PLCB1: variants seen among roughly 807,000 people sequenced by gnomAD.
PLCB1 encodes phospholipase C beta 1.
In PLCB1, 46 loss-of-function variants were observed where a neutral mutation model predicts 161.8. The ratio of observed to expected loss-of-function variants is 0.28; its 90% confidence interval spans 0.22 to 0.36. The LOEUF is 0.36. PLCB1 is among the 10% of genes least tolerant of loss of function. The pLI is 1.00. For synonymous variants in PLCB1, 517 were observed against 503.7 expected (o/e 1.03, Z -0.35); for missense variants, 1,016 against 1,472.5 (o/e 0.69, Z 5.07).
rs540607161 is a variant in PLCB1 at position 8,217,149 on chromosome 20, TCTC to T, written c.177+66781_177+66783del. On this transcript the variant is annotated intron_variant, in intron 2 of 31. Transcript: ENST00000338037. The stretch of plus-strand genomic sequence containing the variant: ...TTTCCCCAGTTATTCCTTATTCACA[TCTC>T]CTTTGTAAAAGCATCTGAAACCTTC... 3.2e-3 allele frequency among the ~76,000 whole-genome samples: 494 copies of T among 152,208 alleles called. 4 individuals carry two copies. The highest frequency in any genetic ancestry group is 0.011 in the African/African-American group (447 of 41,560).
intron 23 of PLCB1, among the ~76,000 whole-genome samples, chr20:8,750,300 A>C (rs1981388830): frequency 1.3e-5 from 2 of 152,214 alleles, no homozygotes; most frequent in African/African-American, 4.8e-5. Flanking sequence ...GAAGAAGCTC[A>C]AAAAACTGAA....
At chr20:8,564,240 AT>A in intron 3 of PLCB1, among the ~76,000 whole-genome samples, 1 of 152,204 alleles carries the variant, frequency 6.6e-6, no homozygotes, top group East Asian at 1.9e-4. Flanking sequence ...TAGGGAAAGG[AT>A]TCCCTAGTTA....
chr20:8,340,453 C>T (rs1340316360), intron 2 of PLCB1, among the ~76,000 whole-genome samples: 6 of 152,230 alleles, frequency 3.9e-5, no homozygotes, highest in East Asian at 1.9e-4. Context: ...GACGGAGTCT[C>T]GCTCTGTCGC....
At position 8,532,460 on chromosome 20, in the gene PLCB1, C is replaced by T. The variant is rs114460896; in HGVS notation, c.247-95834C>T. 5.5e-3 allele frequency among the ~76,000 whole-genome samples: 832 copies of T among 152,244 alleles called. 8 individuals are homozygous for T. Among genetic ancestry groups the T allele is most frequent in the African/African-American group, 0.018 (733 of 41,544 alleles). ...CTTCCCAGGGAGTTGCAAGAGAGGT[C>T]CTCATGTTCCTGTCTTCACTTTCCA... On this transcript the variant is annotated intron_variant, in intron 3 of 31. Transcript: ENST00000338037.
intron 2 of PLCB1, among the ~76,000 whole-genome samples, chr20:8,299,686 G>A (rs1983806818): frequency 6.6e-6 from 1 of 152,036 alleles, no homozygotes; most frequent in South Asian, 2.1e-4. Flanking sequence ...TTCCTTTTTA[G>A]TAAATTCGTT....
At position 8,820,106 on chromosome 20, in the gene PLCB1, GT is replaced by G. The variant is rs1192793938; in HGVS notation, c.3423+29856del. On this transcript the variant is annotated intron_variant, in intron 31 of 31. Coordinates refer to ENST00000338037, the MANE Select transcript of PLCB1 (RefSeq NM_015192.4). ...ATAATTTGTATTATGTTTTATTTAT[GT>G]TTTTTTTTTTCAAAATTTTTTGAGT... Among the ~76,000 whole-genome samples the G allele has an allele frequency of 3.1e-3, 439 of 140,168 alleles. 2 individuals are homozygous for G. The highest frequency in any genetic ancestry group is 9.3e-3 in the African/African-American group (363 of 38,858). The allele number at this position is 140,168 out of a possible 152,430, so 92.0% of individuals were successfully genotyped here. A position where few individuals can be genotyped will look rare whatever the true frequency, so the allele number is the denominator to read the frequency against.
intron 2 of PLCB1, among the ~76,000 whole-genome samples, chr20:8,196,385 T>G (rs1288769606): frequency 1.3e-5 from 2 of 152,126 alleles, no homozygotes; most frequent in African/African-American, 2.4e-5. Context: ...AGCTGCATAT[T>G]CTCCATTTTG....
At chr20:8,429,175 G>A (rs566449571) in intron 3 of PLCB1, among the ~76,000 whole-genome samples, 5 of 152,254 alleles carry the variant, frequency 3.3e-5, no homozygotes, top group South Asian at 4.1e-4. Context: ...TGCCAGTCTC[G>A]AGCATTTTAG....
At position 8,450,422 on chromosome 20, in the gene PLCB1, G is replaced by A. The variant is rs138141078; in HGVS notation, c.246+78972G>A. On this transcript the variant is annotated intron_variant, in intron 3 of 31. Coordinates refer to ENST00000338037, the MANE Select transcript of PLCB1 (RefSeq NM_015192.4). Reference sequence around the variant, plus strand: ...AGTCTCTGAAATTAGTGAATAGGTAGAGACATCCATCAGTTGGATCATTCT... The same window carrying A: ...AGTCTCTGAAATTAGTGAATAGGTAAAGACATCCATCAGTTGGATCATTCT... Among the ~76,000 whole-genome samples the A allele has an allele frequency of 5.3e-4, 80 of 151,980 alleles. No individual in the cohort carries two copies. The East Asian group carries it at 0.012, about 22-fold the overall frequency.
intron 3 of PLCB1, among the ~76,000 whole-genome samples, chr20:8,492,879 T>G (rs967115277): frequency 2.0e-5 from 3 of 152,006 alleles, no homozygotes; most frequent in Non-Finnish European, 2.9e-5. Context: ...TGTGTGCATT[T>G]TTAATGTATG....
At chr20:8,750,790 T>C (rs2123546482) in intron 23 of PLCB1, 1 of 1,309,744 alleles carries the variant, frequency 7.6e-7, no homozygotes, top group African/African-American at 1.5e-5. Context: ...TCTGACAATA[T>C]TTGTCCTGAG....
chr20:8,516,039 C>T (rs1399927056), intron 3 of PLCB1, among the ~76,000 whole-genome samples: 1 of 152,192 alleles, frequency 6.6e-6, no homozygotes, highest in South Asian at 2.1e-4. Context: ...GGGAACTTCC[C>T]ATTGTAAAAC....
At chr20:8,133,565 G>A (rs1402280576) in intron 1 of PLCB1, among the ~76,000 whole-genome samples, 1 of 152,156 alleles carries the variant, frequency 6.6e-6, no homozygotes, top group Non-Finnish European at 1.5e-5. Flanking sequence ...TTTACGAGCG[G>A]CCCAGACCCC....
chr20:8,637,172 G>A (rs6039214), intron 4 of PLCB1, among the ~76,000 whole-genome samples: 34,700 of 152,026 alleles, frequency 0.23, 4,296 homozygotes, highest in Admixed American at 0.32. Context: ...GAGAAAGGCA[G>A]GTTGATCTGT....
rs1201315952 is a variant in PLCB1, at chr20:8,644,319, T to C, written c.385-1783T>C. On this transcript the variant is annotated intron_variant, in intron 4 of 31. Transcript: ENST00000338037. ...CAGTCTGGAAAGTGAGGAGCGTCTC[T>C]GCCCGGCCGCCATCCCATCTAGGAA... Among the ~76,000 whole-genome samples the C allele has an allele frequency of 8.2e-5, 12 of 147,196 alleles. No homozygotes were observed. In the South Asian group the frequency reaches 2.4e-3, roughly 30 times the overall value.
At chr20:8,390,583 A>G (rs1222471982) in intron 3 of PLCB1, among the ~76,000 whole-genome samples, 3 of 152,186 alleles carry the variant, frequency 2.0e-5, no homozygotes, top group Non-Finnish European at 4.4e-5. Flanking sequence ...TTTAATATAG[A>G]AAAGTAGATT....
At chr20:8,792,869 AAATC>A (rs1166891767) in intron 31 of PLCB1, 3 of 327,760 alleles carry the variant, frequency 9.2e-6, no homozygotes, top group Non-Finnish European at 1.8e-5. Context: ...TAAAAGAACA[AAATC>A]AAGTGTGAGA....
intron 2 of PLCB1, among the ~76,000 whole-genome samples, chr20:8,303,249 CAACGT>C (rs1373034507): frequency 2.6e-5 from 4 of 152,156 alleles, no homozygotes; most frequent in African/African-American, 9.7e-5. Context: ...TCCGGGGTTT[CAACGT>C]AAAGGTCATG....
intron 2 of PLCB1, among the ~76,000 whole-genome samples, chr20:8,204,324 A>G (rs1422946682): frequency 1.3e-5 from 2 of 152,140 alleles, no homozygotes; most frequent in Non-Finnish European, 2.9e-5. Flanking sequence ...GTGAAGGCAC[A>G]TAATGTTAGT....
Sources: allele counts gnomAD v4.1 joint callset (sites outside exome capture counted in the v4.1 genomes callset), GRCh38; gene constraint gnomAD v4.1.1; transcripts MANE v1.5; gene names NCBI Gene and HGNC (gene_info 2026-07-23, HGNC 2026-07-21).